Variants in TBC1D15 observed in about 807,000 individuals in gnomAD.
TBC1D15 encodes TBC1 domain family member 15, also known as GAP for RAB7.
A neutral mutation model predicts 95.4 loss-of-function variants in TBC1D15; 39 were observed. That is an observed-to-expected ratio of 0.41 (90% CI 0.32 to 0.53). TBC1D15 has a LOEUF of 0.53. Ranked by LOEUF, TBC1D15 falls within the 20% of genes least tolerant of loss-of-function variation. The pLI, the probability that TBC1D15 is intolerant of heterozygous loss-of-function variation, is 0.29. For missense variants in TBC1D15, 733 were observed against 794.3 expected (o/e 0.92, Z 0.93); for synonymous variants, 258 against 261.3 (o/e 0.99, Z 0.12).
intron 3 of TBC1D15, among the ~76,000 whole-genome samples, chr12:71,873,320 G>GT (rs969890102): frequency 8.0e-5 from 12 of 150,700 alleles, no homozygotes; most frequent in South Asian, 4.2e-4. Flanking sequence ...ATAATGTAGT[G>GT]TTTTTTTTTG....
chr12:71,904,440 A>G (rs1157360347), intron 10 of TBC1D15, among the ~76,000 whole-genome samples: 1 of 152,206 alleles, frequency 6.6e-6, no homozygotes, highest in African/African-American at 2.4e-5. Context: ...CAGAGGGAAA[A>G]GTAGGATTAA....
intron 5 of TBC1D15, among the ~76,000 whole-genome samples, chr12:71,887,148 A>T (rs1172075462): frequency 1.5e-5 from 2 of 137,248 alleles, no homozygotes; most frequent in African/African-American, 5.8e-5. Context: ...TTTTCTACTT[A>T]TTGAAACCGG....
chr12:71,857,206 T>C (rs929117732), intron 1 of TBC1D15, among the ~76,000 whole-genome samples: 3 of 152,132 alleles, frequency 2.0e-5, no homozygotes, highest in African/African-American at 7.2e-5. Flanking sequence ...TGCCTTGGCC[T>C]CCCAGTGTCC....
chr12:71,920,628 C>T (rs375032853), intron 14 of TBC1D15, 103 bp from the exon 15 acceptor site: 15 of 896,844 alleles, frequency 1.7e-5, no homozygotes, highest in East Asian at 2.5e-5. Context: ...AAACAGGCAA[C>T]ATCTACTTTG....
At chr12:71,854,825 G>A (rs1005686776) in intron 1 of TBC1D15, 5 of 456,318 alleles carry the variant, frequency 1.1e-5, no homozygotes, top group African/African-American at 1.0e-4. Flanking sequence ...TCAAATCTTT[G>A]ATCTGTTCTT....
chr12:71,876,959 C>G (rs1055628227), intron 3 of TBC1D15, among the ~76,000 whole-genome samples: 1 of 151,686 alleles, frequency 6.6e-6, no homozygotes, highest in South Asian at 2.1e-4. Context: ...TACAGGTGTG[C>G]GCCACCACAC....
At position 71,885,036 on chromosome 12, in the gene TBC1D15, A is replaced by C; in HGVS notation, c.554+15A>C. The C allele has an allele frequency of 6.2e-7, 1 of 1,609,786 alleles. No individual in the cohort carries two copies. The highest frequency in any genetic ancestry group is 8.5e-7 in the Non-Finnish European group (1 of 1,177,248). ...GTATTGTGTGAGTAAGTATCATATT[A>C]TTTTCTACTTATTGAAACCAGATCA... On this transcript the variant is annotated intron_variant, in intron 5 of 16. Coordinates refer to ENST00000485960, the MANE Select transcript of TBC1D15 (RefSeq NM_001146213.3).
chr12:71,871,792 A>T (rs1892752397), intron 1 of TBC1D15, among the ~76,000 whole-genome samples: 1 of 152,224 alleles, frequency 6.6e-6, no homozygotes, highest in Non-Finnish European at 1.5e-5. Flanking sequence ...GACTTGTTGC[A>T]ATTAGTCTGA....
intron 1 of TBC1D15, among the ~76,000 whole-genome samples, chr12:71,869,338 C>T (rs1460722271): frequency 3.3e-5 from 5 of 152,136 alleles, no homozygotes; most frequent in East Asian, 1.9e-4. Context: ...GCGTGGCCAA[C>T]GTGGTGAAAC....
At chr12:71,849,907 T>C in intron 1 of TBC1D15, 1 of 564,158 alleles carries the variant, frequency 1.8e-6, no homozygotes, top group Non-Finnish European at 3.5e-6. Flanking sequence ...TCCAGCGTCT[T>C]GAGGATCAGT....
At chr12:71,890,690 TCAA>T (rs1897059269) in intron 5 of TBC1D15, among the ~76,000 whole-genome samples, 1 of 152,158 alleles carries the variant, frequency 6.6e-6, no homozygotes, top group Non-Finnish European at 1.5e-5. Context: ...TCTTTCAGTC[TCAA>T]CAACCCGATC....
At chr12:71,878,896 A>G (rs1894550274) in intron 3 of TBC1D15, among the ~76,000 whole-genome samples, 1 of 151,746 alleles carries the variant, frequency 6.6e-6, no homozygotes, top group African/African-American at 2.4e-5. Flanking sequence ...AAAACAATCT[A>G]TTTGATAATT....
At chr12:71,894,312 T>A (rs1197963500) in intron 6 of TBC1D15, 1 of 1,611,884 alleles carries the variant, frequency 6.2e-7, no homozygotes, top group African/African-American at 1.3e-5. Context: ...AGAAATATTT[T>A]TTTTGTATGA....
intron 6 of TBC1D15, chr12:71,894,386 C>G: frequency 6.2e-7 from 1 of 1,612,372 alleles, no homozygotes; most frequent in Non-Finnish European, 8.5e-7. Context: ...GTAAGCACTG[C>G]GTATGTTTTC....
At chr12:71,895,151 G>A (rs753515221) in intron 7 of TBC1D15, among the ~76,000 whole-genome samples, 11 of 152,050 alleles carry the variant, frequency 7.2e-5, no homozygotes, top group African/African-American at 1.2e-4. Flanking sequence ...GCATAGCAGA[G>A]TGAGGAGCGA....
chr12:71,896,002 A>C lies in TBC1D15; in HGVS notation c.911A>C (p.Glu304Ala). The change falls in exon 8 of 17, where the codon GAA becomes GCA. Residue 304 changes from glutamate (E) to alanine (A), a missense_variant. By Grantham distance (107) the Glu-to-Ala change is moderately radical. Transcript: ENST00000485960. Reference sequence around the variant, plus strand: ...AGGAGAGAACCGGTATCACTGGAAGAATGGACTAAGAACATTGATTCTGAA... The same window carrying C: ...AGGAGAGAACCGGTATCACTGGAAGCATGGACTAAGAACATTGATTCTGAA... The part of the protein sequence containing the change: ...VQRREPVSLE[E>A]WTKNIDSEGR... The C allele has an allele frequency of 1.9e-6, 3 of 1,612,808 alleles. No homozygotes were observed. The East Asian group carries it at 6.7e-5, about 36-fold the overall frequency.
chr12:71,854,295 G>C (rs1163129821), intron 1 of TBC1D15, among the ~76,000 whole-genome samples: 2 of 152,070 alleles, frequency 1.3e-5, no homozygotes, highest in Non-Finnish European at 2.9e-5. Flanking sequence ...TTTTCTGGTG[G>C]GAGGTTAAAT....
intron 3 of TBC1D15, among the ~76,000 whole-genome samples, chr12:71,876,681 A>G (rs950999627): frequency 1.3e-5 from 2 of 151,554 alleles, no homozygotes; most frequent in African/African-American, 2.4e-5. Flanking sequence ...GAACAAAAAC[A>G]TTTCTTTTTT....
At chr12:71,878,065 T>C (rs1894342162) in intron 3 of TBC1D15, among the ~76,000 whole-genome samples, 1 of 152,136 alleles carries the variant, frequency 6.6e-6, no homozygotes, top group South Asian at 2.1e-4. Context: ...TCACGTCTTT[T>C]TGGGCTAGTA....
Sources: allele counts gnomAD v4.1 joint callset (sites outside exome capture counted in the v4.1 genomes callset), GRCh38; gene constraint gnomAD v4.1.1; transcripts MANE v1.5; gene names NCBI Gene and HGNC (gene_info 2026-07-23, HGNC 2026-07-21).